Variants in IL34 observed in about 807,000 individuals in gnomAD.
IL34 encodes the protein interleukin-34.
IL34 carries 17 observed loss-of-function variants against 25.3 expected under a neutral mutation model. The observed-to-expected ratio is 0.67, with a 90% CI of 0.46 to 1.01. The LOEUF (loss-of-function observed/expected upper bound fraction) is 1.01. IL34 is among the 50% of genes least tolerant of loss of function. The probability of loss-of-function intolerance (pLI) is 0.00; values close to 1 mark genes in which losing one functional copy is unlikely to be tolerated. For missense variants in IL34, 368 were observed against 312.9 expected (o/e 1.18, Z -1.33); for synonymous variants, 174 against 140.9 (o/e 1.23, Z -1.66).
intron 1 of IL34, among the ~76,000 whole-genome samples, chr16:70,602,921 C>A (rs775648504): frequency 6.6e-6 from 1 of 152,006 alleles, no homozygotes; most frequent in Non-Finnish European, 1.5e-5. Context: ...TCCTGGGGGC[C>A]ACCGCCAGCA....
chr16:70,583,454 C>T (rs956049752), intron 1 of IL34, among the ~76,000 whole-genome samples: 14 of 152,114 alleles, frequency 9.2e-5, no homozygotes, highest in African/African-American at 3.1e-4. Flanking sequence ...CTTCGAGGGA[C>T]GAAGCGAGTG....
At chr16:70,620,155 C>G (rs2051249686) in intron 1 of IL34, among the ~76,000 whole-genome samples, 1 of 152,198 alleles carries the variant, frequency 6.6e-6, no homozygotes, top group Non-Finnish European at 1.5e-5. Flanking sequence ...GTCGGGAGCA[C>G]ATTGGGTAAT....
intron 1 of IL34, among the ~76,000 whole-genome samples, chr16:70,595,144 A>G (rs897850001): frequency 4.6e-5 from 7 of 151,810 alleles, no homozygotes; most frequent in Admixed American, 3.9e-4. Flanking sequence ...TATTTTTAGT[A>G]GAGATGGGGT....
chr16:70,604,027 G>A (rs1467779685), intron 1 of IL34, among the ~76,000 whole-genome samples: 2 of 152,188 alleles, frequency 1.3e-5, no homozygotes, highest in East Asian at 1.9e-4. Flanking sequence ...GAAGCTCTGA[G>A]GTGCCTGGAA....
At chr16:70,600,173 T>C (rs1291676313) in intron 1 of IL34, among the ~76,000 whole-genome samples, 1 of 152,156 alleles carries the variant, frequency 6.6e-6, no homozygotes, top group Non-Finnish European at 1.5e-5. Flanking sequence ...ACATGTCTTC[T>C]CTCGTTCCTA....
intron 1 of IL34, 131 bp from the exon 2 acceptor site, chr16:70,654,407 C>T: frequency 8.0e-7 from 1 of 1,256,880 alleles, no homozygotes; most frequent in Non-Finnish European, 1.1e-6. Context: ...TCCCGTGCCC[C>T]CCACCACACC....
chr16:70,613,086 G>T (rs754844350), intron 1 of IL34, among the ~76,000 whole-genome samples: 11 of 152,192 alleles, frequency 7.2e-5, no homozygotes, highest in Admixed American at 4.6e-4. Flanking sequence ...GACCACATCT[G>T]TTGAGAAATG....
chr16:70,601,988 T>C lies in IL34; in HGVS notation c.-401+21939T>C, dbSNP rs549079158. On this transcript the variant is annotated intron_variant, in intron 1 of 6. Transcript: ENST00000429149. ...GAGGTAAAGATGGCAAACCCATCCA[T>C]GGTGAAGTTGAATTGCTCCTCTCCA... is the stretch of plus-strand genomic sequence containing the variant. Among the ~76,000 whole-genome samples the C allele has an allele frequency of 2.0e-5, 3 of 152,278 alleles. No homozygotes were observed. The South Asian group carries it at 6.2e-4, about 32-fold the overall frequency.
At chr16:70,658,488 T>G (rs556919476) in intron 4 of IL34, among the ~76,000 whole-genome samples, 1 of 150,580 alleles carries the variant, frequency 6.6e-6, no homozygotes, top group African/African-American at 2.5e-5. Flanking sequence ...GTGGTGGCTT[T>G]TTTTGTTTTT....
intron 4 of IL34, among the ~76,000 whole-genome samples, chr16:70,659,340 C>A (rs1198514804): frequency 6.6e-6 from 1 of 152,198 alleles, no homozygotes; most frequent in Non-Finnish European, 1.5e-5. Context: ...TGCAGTTTGC[C>A]CCACTTTCCT....
chr16:70,647,722 C>G (rs2051975250), intron 1 of IL34, among the ~76,000 whole-genome samples: 2 of 152,182 alleles, frequency 1.3e-5, no homozygotes, highest in Non-Finnish European at 2.9e-5. Flanking sequence ...GTTGAGTGCT[C>G]AGGAACTGTT....
chr16:70,651,192 G>A (rs2052070096), intron 1 of IL34, among the ~76,000 whole-genome samples: 1 of 152,130 alleles, frequency 6.6e-6, no homozygotes, highest in Non-Finnish European at 1.5e-5. Flanking sequence ...GGGGGGGAGA[G>A]AAGAGTCTCT....
rs150942879 is a variant in IL34 at position 70,627,386 on chromosome 16, A to G, written c.-400-19162A>G. On this transcript the variant is annotated intron_variant, in intron 1 of 6. Coordinates refer to the IL34 transcript ENST00000429149. ...GTAGAAGCCCCCCACCAGATCCCCAAACACTCACTATCCCTCCCTCCCTCC... is the reference window on the plus strand; with the variant it reads ...GTAGAAGCCCCCCACCAGATCCCCAGACACTCACTATCCCTCCCTCCCTCC... Among the ~76,000 whole-genome samples the G allele has an allele frequency of 6.1e-3, 915 of 150,510 alleles. 11 individuals are homozygous for G. The highest frequency in any genetic ancestry group is 0.021 in the African/African-American group (864 of 40,970).
At chr16:70,651,512 G>A (rs2052077582) in intron 1 of IL34, among the ~76,000 whole-genome samples, 1 of 152,304 alleles carries the variant, frequency 6.6e-6, no homozygotes, top group Non-Finnish European at 1.5e-5. Flanking sequence ...GGAGACCTGA[G>A]GCTCTGAGCT....
At chr16:70,641,349 C>T (rs1420201136) in intron 1 of IL34, among the ~76,000 whole-genome samples, 1 of 152,000 alleles carries the variant, frequency 6.6e-6, no homozygotes, top group Non-Finnish European at 1.5e-5. Context: ...TTCATAATGG[C>T]CAAAAGGTGG....
At chr16:70,642,260 G>A (rs969968906), upstream of IL34, among the ~76,000 whole-genome samples, 59 of 149,146 alleles carry the variant, frequency 4.0e-4, 1 homozygote, top group African/African-American at 1.3e-3. Context: ...GAGAGACAAA[G>A]ACAGAGACAG....
At chr16:70,630,552 C>G (rs2051496630) in intron 1 of IL34, among the ~76,000 whole-genome samples, 1 of 151,508 alleles carries the variant, frequency 6.6e-6, no homozygotes. Context: ...CCTCCTCTCC[C>G]CTCCCCTCTC....
intron 1 of IL34, among the ~76,000 whole-genome samples, chr16:70,593,972 A>G (rs532592296): frequency 3.3e-5 from 5 of 152,220 alleles, no homozygotes; most frequent in African/African-American, 1.2e-4. Flanking sequence ...TTGGTTCCCT[A>G]TTGTTCCACT....
In IL34 at chr16:70,646,972, C is replaced by A. The variant is rs369011177; in HGVS notation, c.25C>A (p.Arg9Ser). Residue 9 changes from arginine to serine, a missense_variant, in exon 1 of 6, where the codon CGC becomes AGC. Arg to Ser is a moderately radical substitution (Grantham distance 110, BLOSUM62 -1). Transcript: ENST00000288098. MPRGFTWL[R>S]YLGIFLGVAL... ...CATGCCCCGGGGCTTCACCTGGCTG[C>A]GCTGTGAGTACTGGGGGGTCCCTAG... is the stretch of plus-strand genomic sequence containing the variant. 6.8e-7 allele frequency: 1 copy of A among 1,462,062 alleles called. No individual in the cohort carries two copies. The highest frequency in any genetic ancestry group is 2.9e-5 in the East Asian group (1 of 34,086). 90.6% of individuals were successfully genotyped at this position (1,462,062 alleles called of 1,614,324 possible). A position where few individuals can be genotyped will look rare whatever the true frequency, so the allele number is the denominator to read the frequency against.
Sources: allele counts gnomAD v4.1 joint callset (sites outside exome capture counted in the v4.1 genomes callset), GRCh38; gene constraint gnomAD v4.1.1; transcripts MANE v1.5; gene names NCBI Gene and HGNC (gene_info 2026-07-23, HGNC 2026-07-21).